Variants in CADPS observed in about 807,000 individuals in gnomAD.
The protein encoded by CADPS is calcium-dependent secretion activator 1.
A neutral mutation model predicts 167.3 loss-of-function variants in CADPS; 57 were observed. The observed-to-expected ratio is 0.34, with a 90% CI of 0.28 to 0.42. The LOEUF is 0.42. CADPS is among the 20% of genes least tolerant of loss of function. The probability of loss-of-function intolerance (pLI) is 1.00; values close to 1 mark genes in which losing one functional copy is unlikely to be tolerated. For missense variants in CADPS, 1,414 were observed against 1,738.1 expected (o/e 0.81, Z 3.32); for synonymous variants, 676 against 635.3 (o/e 1.06, Z -0.96).
At chr3:62,725,578 C>T (rs982306877) in intron 3 of CADPS, among the ~76,000 whole-genome samples, 1 of 151,938 alleles carries the variant, frequency 6.6e-6, no homozygotes, top group African/African-American at 2.4e-5. Context: ...ATAATAGCAC[C>T]CACCTCATGG....
chr3:62,675,944 A>C (rs113828473), intron 3 of CADPS, among the ~76,000 whole-genome samples: 1 of 151,942 alleles, frequency 6.6e-6, no homozygotes, highest in Admixed American at 6.6e-5. Flanking sequence ...CTCCTCCCCA[A>C]TTACTGTAAA....
At chr3:62,685,167 C>T (rs1236524179) in intron 3 of CADPS, among the ~76,000 whole-genome samples, 1 of 152,028 alleles carries the variant, frequency 6.6e-6, no homozygotes, top group Non-Finnish European at 1.5e-5. Context: ...AGGCACAGTG[C>T]AACAGATCTC....
intron 6 of CADPS, among the ~76,000 whole-genome samples, chr3:62,615,945 T>G (rs983199796): frequency 6.6e-6 from 1 of 152,182 alleles, no homozygotes; most frequent in Non-Finnish European, 1.5e-5. Flanking sequence ...CTTCTCATGA[T>G]GGAGAAGAAC....
At position 62,544,396 on chromosome 3, in the gene CADPS, C is replaced by T. The variant is rs1056181402; in HGVS notation, c.1966+5507G>A. 2.0e-5 allele frequency among the ~76,000 whole-genome samples: 3 copies of T among 151,940 alleles called. No homozygotes were observed. The highest frequency in any genetic ancestry group is 7.3e-5 in the African/African-American group (3 of 41,350). ...GGTTACCACACCACTGGTACTCTGA[C>T]CATTCGAATCTTTGGAATGGGAAAG... On this transcript the variant is annotated intron_variant, in intron 11 of 29. Coordinates refer to ENST00000383710, the MANE Select transcript of CADPS (RefSeq NM_003716.4). The surrounding 1 kb of genome is among the most constrained non-coding windows in gnomAD (Gnocchi z 4.4).
chr3:62,768,869 A>C (rs1182000395), intron 1 of CADPS, among the ~76,000 whole-genome samples: 1 of 152,190 alleles, frequency 6.6e-6, no homozygotes, highest in Non-Finnish European at 1.5e-5. Flanking sequence ...GCAAAGCCAC[A>C]CAAAGCATCC....
At chr3:62,732,604 G>A (rs2078139164) in intron 3 of CADPS, among the ~76,000 whole-genome samples, 1 of 152,230 alleles carries the variant, frequency 6.6e-6, no homozygotes, top group Non-Finnish European at 1.5e-5. Context: ...AGACAATATA[G>A]CATTCATGCA....
chr3:62,493,998 T>C (rs577787755), intron 18 of CADPS, among the ~76,000 whole-genome samples: 4 of 152,198 alleles, frequency 2.6e-5, no homozygotes, highest in Non-Finnish European at 5.9e-5. Context: ...GACTTATAAA[T>C]TGAAGTCAAA....
Position 62,874,981 on chromosome 3 carries a change from C to G in CADPS, c.49G>C (p.Glu17Gln). ...SEEESDEIVE[E>Q]ESGKEVLGSA... ...CCGAGCACCTCCTTGCCGCTCTCCT[C>G]CTCCACGATCTCATCCGATTCTTCT... The change falls in exon 1 of 30, where the codon GAG becomes CAG. Residue 17 changes from glutamate to glutamine, a missense_variant. Physicochemically the swap from Glu to Gln is conservative, Grantham distance 29. This residue lies in a region of CADPS where 522 missense variants were observed against 559.5 expected (regional missense o/e 0.93). Coordinates refer to ENST00000383710, the MANE Select transcript of CADPS (RefSeq NM_003716.4). This position sits in a 1 kb window ranked among gnomAD's most constrained non-coding sequence, Gnocchi z 7.1. 6.3e-7 allele frequency: 1 copy of G among 1,595,908 alleles called. No individual in the cohort carries two copies. The highest frequency in any genetic ancestry group is 8.5e-7 in the Non-Finnish European group (1 of 1,171,784).
chr3:62,644,355 G>C (rs1180274126), intron 6 of CADPS, among the ~76,000 whole-genome samples: 1 of 152,068 alleles, frequency 6.6e-6, no homozygotes. Flanking sequence ...TAGTGGGTAG[G>C]GAGGGAAGGG....
At position 62,478,569 on chromosome 3, in the gene CADPS, C is replaced by T. The variant is rs2061599591; in HGVS notation, c.3174-153G>A. Among the ~76,000 whole-genome samples the T allele has an allele frequency of 6.6e-6, 1 of 152,058 alleles. No individual in the cohort carries two copies. Among genetic ancestry groups the T allele is most frequent in the Admixed American group, 6.5e-5 (1 of 15,272 alleles). On this transcript the variant is annotated intron_variant, in intron 22 of 29. Coordinates refer to ENST00000383710, the MANE Select transcript of CADPS (RefSeq NM_003716.4). This position sits in a 1 kb window ranked among gnomAD's most constrained non-coding sequence, Gnocchi z 5.7. Reference sequence around the variant, plus strand: ...GGTGGAGGCGGGGGCGAGTCTCCACCGGCAGATTTTGAGTTTTACCATACA... The same window carrying T: ...GGTGGAGGCGGGGGCGAGTCTCCACTGGCAGATTTTGAGTTTTACCATACA...
At chr3:62,842,466 A>C (rs116584102) in intron 1 of CADPS, among the ~76,000 whole-genome samples, 1 of 152,222 alleles carries the variant, frequency 6.6e-6, no homozygotes, top group Non-Finnish European at 1.5e-5. Context: ...TCTTGTTTTC[A>C]ATTTCACAGC....
At chr3:62,758,569 T>C (rs559315350) in intron 2 of CADPS, among the ~76,000 whole-genome samples, 17 of 152,366 alleles carry the variant, frequency 1.1e-4, no homozygotes, top group Admixed American at 3.9e-4. Flanking sequence ...AAAACAACTA[T>C]TCAAACTCAA....
rs2073311898 is a variant in CADPS, at chr3:62,823,065, A to G, written c.441+51524T>C. ...CCACATGAGAAATGACCTGCCATTT[A>G]TTCTGCCACTTTGTCTTGGTTTCTC... On this transcript the variant is annotated intron_variant, in intron 1 of 29. Transcript: ENST00000383710. Among the ~76,000 whole-genome samples the G allele has an allele frequency of 2.6e-5, 4 of 152,156 alleles. No homozygotes were observed. In the South Asian group the frequency reaches 8.3e-4, roughly 32 times the overall value.
intron 13 of CADPS, among the ~76,000 whole-genome samples, chr3:62,525,883 GCA>G (rs977632173): frequency 1.8e-4 from 28 of 152,230 alleles, no homozygotes; most frequent in Admixed American, 1.6e-3. Flanking sequence ...GGAGGCAAGG[GCA>G]CAGTCAATAG....
intron 13 of CADPS, among the ~76,000 whole-genome samples, chr3:62,524,553 C>T (rs1447448265): frequency 6.6e-6 from 1 of 152,184 alleles, no homozygotes; most frequent in Non-Finnish European, 1.5e-5. Context: ...AATCTCCAAA[C>T]AAGGCTTGGA....
intron 8 of CADPS, among the ~76,000 whole-genome samples, chr3:62,573,422 C>T (rs1198604513): frequency 6.6e-6 from 1 of 152,134 alleles, no homozygotes; most frequent in Non-Finnish European, 1.5e-5. Flanking sequence ...GTCTATATAT[C>T]ATTAAAACCA....
chr3:62,443,153 G>T (rs1338972863), intron 27 of CADPS, among the ~76,000 whole-genome samples: 1 of 152,144 alleles, frequency 6.6e-6, no homozygotes, highest in African/African-American at 2.4e-5. Context: ...CTTGCAGTAT[G>T]GCAGAATTTG....
At chr3:62,595,160 G>A (rs1005008727) in intron 6 of CADPS, among the ~76,000 whole-genome samples, 3 of 152,016 alleles carry the variant, frequency 2.0e-5, no homozygotes, top group African/African-American at 7.2e-5. Flanking sequence ...ATTGAGATGA[G>A]GGGAAACCAG....
intron 3 of CADPS, among the ~76,000 whole-genome samples, chr3:62,707,886 G>C (rs9846349): frequency 0.17 from 26,014 of 151,432 alleles, 2,922 homozygotes; most frequent in African/African-American, 0.32. Context: ...AACAGTGTTG[G>C]TATAAGGAGA....
Sources: allele counts gnomAD v4.1 joint callset (sites outside exome capture counted in the v4.1 genomes callset), GRCh38; gene constraint gnomAD v4.1.1; regional missense constraint gnomAD v4.1.1; non-coding constraint Gnocchi (gnomAD v3.1); transcripts MANE v1.5; gene names NCBI Gene and HGNC (gene_info 2026-07-23, HGNC 2026-07-21).